The following NTSR1 variants were observed in gnomAD, a reference collection of about 807,000 sequenced individuals.
The protein encoded by NTSR1 is neurotensin receptor type 1.
NTSR1 carries 29 observed loss-of-function variants against 31.2 expected under a neutral mutation model. That is an observed-to-expected ratio of 0.93 (90% CI 0.69 to 1.27). The LOEUF (loss-of-function observed/expected upper bound fraction) is 1.27. Among genes scored for constraint, NTSR1 ranks in the 50% most tolerant of loss-of-function variants. The pLI is 0.00. For synonymous variants in NTSR1, 282 were observed against 269.9 expected, an observed-to-expected ratio of 1.04 and a Z score of -0.44; for missense variants, 697 against 595.4, an observed-to-expected ratio of 1.17 and a Z score of -1.78.
At position 62,741,501 on chromosome 20, in the gene NTSR1, C is replaced by G. The variant is rs980823105; in HGVS notation, c.715-13184C>G. The stretch of plus-strand genomic sequence containing the variant: ...CCTTGCCCCCAGCTGGCTTGGGGGT[C>G]CCTACACCGGCCCCCTGCCCCACAC... On this transcript the variant is annotated intron_variant, in intron 1 of 3. Coordinates refer to ENST00000370501, the MANE Select transcript of NTSR1 (RefSeq NM_002531.3). This position sits in a 1 kb window ranked among gnomAD's most constrained non-coding sequence, Gnocchi z 4.3. 1.3e-5 allele frequency among the ~76,000 whole-genome samples: 2 copies of G among 149,454 alleles called. No homozygotes were observed. The highest frequency in any genetic ancestry group is 2.9e-5 in the Non-Finnish European group (2 of 67,996).
chr20:62,711,173 C>G lies in NTSR1; in HGVS notation c.714+1252C>G, dbSNP rs564001737. Among the ~76,000 whole-genome samples the G allele has an allele frequency of 5.9e-5, 9 of 152,208 alleles. No homozygotes were observed. The South Asian group carries it at 1.7e-3, about 28-fold the overall frequency. On this transcript the variant is annotated intron_variant, in intron 1 of 3. Transcript: ENST00000370501. The surrounding 1 kb of genome is among the most constrained non-coding windows in gnomAD (Gnocchi z 6.4). ...GGTGGAGGAGGGTAGAACTGAGCTC[C>G]CAGTCTCCCTGGCTGCACATAGAAC...
rs544759109 is a variant in NTSR1, at chr20:62,736,636, GA to G, written c.715-18047del. Among the ~76,000 whole-genome samples, 402 of 152,330 alleles carry G rather than the reference GA, an allele frequency of 2.6e-3. 11 individuals carry two copies. The highest frequency in any genetic ancestry group is 3.9e-3 in the East Asian group (20 of 5,180). On this transcript the variant is annotated intron_variant, in intron 1 of 3. Transcript: ENST00000370501. ...GAGGCCCTGGCCTGTGGCTCCCAGGGAACAACCTGGACCCTCAGCATAGGAC... is the reference window on the plus strand; with the variant it reads ...GAGGCCCTGGCCTGTGGCTCCCAGGGACAACCTGGACCCTCAGCATAGGAC...
chr20:62,751,567 G>A (rs1012214730), intron 1 of NTSR1, among the ~76,000 whole-genome samples: 12 of 152,236 alleles, frequency 7.9e-5, no homozygotes, highest in African/African-American at 2.4e-4. Flanking sequence ...CGGCACTGAC[G>A]GCCACGGATG....
chr20:62,738,174 G>A (rs1230447776), intron 1 of NTSR1, among the ~76,000 whole-genome samples: 1 of 129,368 alleles, frequency 7.7e-6, no homozygotes, highest in Non-Finnish European at 1.6e-5. Context: ...GCACGCAGAG[G>A]GTGATGGAGG....
chr20:62,760,412 C>T lies in NTSR1; in HGVS notation c.*145C>T, dbSNP rs77327046. 1.9e-5 allele frequency: 15 copies of T among 791,258 alleles called. No homozygotes were observed. The highest frequency in any genetic ancestry group is 1.2e-4 in the Admixed American group (4 of 33,952). The allele number at this position is 791,258 out of a possible 1,614,324, so 49.0% of individuals were successfully genotyped here. On this transcript the variant is annotated 3_prime_UTR_variant, in exon 4 of 4. Coordinates refer to ENST00000370501, the MANE Select transcript of NTSR1 (RefSeq NM_002531.3). Reference sequence around the variant, plus strand: ...AGTCTGAGGCCTGGGACCCCCCCCTCCCACCCCCTAACCCATGTTTCTCAT... The same window carrying T: ...AGTCTGAGGCCTGGGACCCCCCCCTTCCACCCCCTAACCCATGTTTCTCAT...
In NTSR1 at chr20:62,715,923, C is replaced by T. The variant is rs143332516; in HGVS notation, c.714+6002C>T. 4.6e-5 allele frequency among the ~76,000 whole-genome samples: 7 copies of T among 152,256 alleles called. No individual in the cohort carries two copies. The highest frequency in any genetic ancestry group is 6.5e-5 in the Admixed American group (1 of 15,306). ...CTGGGCTGAGCAGGGCCCGAGAGGA[C>T]GTCCGACCTGTGCACGAACCAGAGG... On this transcript the variant is annotated intron_variant, in intron 1 of 3. Transcript: ENST00000370501. The surrounding 1 kb of genome is among the most constrained non-coding windows in gnomAD (Gnocchi z 4.7).
chr20:62,709,294 G>A lies in NTSR1; in HGVS notation c.87G>A (p.Ala29=). 1 of 1,593,810 alleles carries A rather than the reference G, an allele frequency of 6.3e-7. No homozygotes were observed. The highest frequency in any genetic ancestry group is 8.5e-7 in the Non-Finnish European group (1 of 1,173,638). The change falls in exon 1 of 4, where the codon GCG becomes GCA. Residue 29 remains alanine, a synonymous_variant. Coordinates refer to ENST00000370501, the MANE Select transcript of NTSR1 (RefSeq NM_002531.3). ...GGGCGCAGGCCGGACTGGAGGAGGC[G>A]CTGCTGGCCCCGGGCTTCGGCAACG... ...FQRAQAGLEE[A]LLAPGFGNAS...
At chr20:62,729,747 G>A (rs1282739640) in intron 1 of NTSR1, among the ~76,000 whole-genome samples, 1 of 149,986 alleles carries the variant, frequency 6.7e-6, no homozygotes, top group Non-Finnish European at 1.5e-5. Context: ...TCAGCCTTCT[G>A]AGTAGCTGGG....
chr20:62,728,348 G>A (rs1028678460), intron 1 of NTSR1, among the ~76,000 whole-genome samples: 5 of 152,174 alleles, frequency 3.3e-5, no homozygotes, highest in African/African-American at 9.7e-5. Context: ...CATCCCTGCG[G>A]TCAGTGTGTG....
rs1989285995 is a variant in NTSR1, at chr20:62,745,560, A to G, written c.715-9125A>G. Among the ~76,000 whole-genome samples, 2 of 152,194 alleles carry G rather than the reference A, an allele frequency of 1.3e-5. No individual in the cohort carries two copies. The highest frequency in any genetic ancestry group is 2.1e-4 in the South Asian group (1 of 4,826). ...GGAAAACACACAGATATACAGAGAG[A>G]GACACAACAGAGACAGACACAGGAA... On this transcript the variant is annotated intron_variant, in intron 1 of 3. Transcript: ENST00000370501. This position sits in a 1 kb window ranked among gnomAD's most constrained non-coding sequence, Gnocchi z 4.1.
intron 2 of NTSR1, among the ~76,000 whole-genome samples, chr20:62,755,256 TCTCC>T (rs1216198274): frequency 1.7e-4 from 15 of 86,994 alleles, no homozygotes; most frequent in African/African-American, 6.3e-4. Context: ...CTCCTCTACC[TCTCC>T]CTCCATCCAT....
Position 62,760,623 on chromosome 20 carries a change from A to C in NTSR1, c.*356A>C. The C allele has an allele frequency of 1.9e-5, 4 of 208,340 alleles. No homozygotes were observed. Among genetic ancestry groups the C allele is most frequent in the East Asian group, 1.1e-4 (1 of 9,134 alleles). 12.9% of individuals were successfully genotyped at this position (208,340 alleles called of 1,614,324 possible). A position where few individuals can be genotyped will look rare whatever the true frequency, so the allele number is the denominator to read the frequency against. ...TGGATGGTTCCAGAGAAGGAAATGA[A>C]AGGTGCTGGGTGGGGCCGGGCCTCC... On this transcript the variant is annotated 3_prime_UTR_variant, in exon 4 of 4. Coordinates refer to ENST00000370501, the MANE Select transcript of NTSR1 (RefSeq NM_002531.3).
At position 62,709,271 on chromosome 20, in the gene NTSR1, G is replaced by A; in HGVS notation, c.64G>A (p.Ala22Thr). Residue 22 changes from alanine (A) to threonine (T), a missense_variant, in exon 1 of 4, where the codon GCG becomes ACG. Transcript: ENST00000370501. ...GCCGGCCGCCGACCCCTTCCAGCGGGCGCAGGCCGGACTGGAGGAGGCGCT... is the reference window on the plus strand; with the variant it reads ...GCCGGCCGCCGACCCCTTCCAGCGGACGCAGGCCGGACTGGAGGAGGCGCT... ...GTPAADPFQR[A>T]QAGLEEALLA... The A allele has an allele frequency of 3.2e-6, 5 of 1,563,942 alleles. No homozygotes were observed. The highest frequency in any genetic ancestry group is 1.2e-5 in the South Asian group (1 of 86,546).
intron 1 of NTSR1, among the ~76,000 whole-genome samples, chr20:62,751,637 C>T (rs1175089600): frequency 6.6e-6 from 1 of 152,276 alleles, no homozygotes; most frequent in Non-Finnish European, 1.5e-5. Context: ...GGGGCTGGCC[C>T]TCATCAGACA....
chr20:62,754,993 G>A lies in NTSR1; in HGVS notation c.916+107G>A, dbSNP rs921549230. On this transcript the variant is annotated intron_variant, in intron 2 of 3. Transcript: ENST00000370501. The stretch of plus-strand genomic sequence containing the variant: ...GGGCAAGGTTTAAAGACATAGGGAT[G>A]GAGCTGTCAGGCCAAGACCCAAGGG... The A allele has an allele frequency of 1.1e-5, 13 of 1,147,274 alleles. No individual in the cohort carries two copies. The Admixed American group carries it at 2.8e-4, about 25-fold the overall frequency. The allele number at this position is 1,147,274 out of a possible 1,614,324, so 71.1% of individuals were successfully genotyped here.
chr20:62,762,500 G>GTAC lies in NTSR1; in HGVS notation c.*2235_*2236insCTA, dbSNP rs375932841. On this transcript the variant is annotated 3_prime_UTR_variant, in exon 4 of 4. Transcript: ENST00000370501. ...TGATGCTCCTATCTGTGCACTTACCGTAGGTAGGGACACGTGTCCACGCAC... is the reference window on the plus strand; with the variant it reads ...TGATGCTCCTATCTGTGCACTTACCGTACTAGGTAGGGACACGTGTCCACGCAC... The GTAC allele has an allele frequency of 7.9e-6, 1 of 126,148 alleles. No individual in the cohort carries two copies. Among genetic ancestry groups the GTAC allele is most frequent in the African/African-American group, 5.6e-5 (1 of 17,970 alleles). The allele number at this position is 126,148 out of a possible 1,614,324, so 7.8% of individuals were successfully genotyped here.
rs1305825185 is a variant in NTSR1 at position 62,744,774 on chromosome 20, C to T, written c.715-9911C>T. ...GAGCCTGAGGCCCAGGAGGACCTGCCGAGCTCACAGCTGGCCAGGGAACAA... is the reference window on the plus strand; with the variant it reads ...GAGCCTGAGGCCCAGGAGGACCTGCTGAGCTCACAGCTGGCCAGGGAACAA... On this transcript the variant is annotated intron_variant, in intron 1 of 3. Transcript: ENST00000370501. The surrounding 1 kb of genome is among the most constrained non-coding windows in gnomAD (Gnocchi z 4.1). Among the ~76,000 whole-genome samples, 1 of 152,050 alleles carries T rather than the reference C, an allele frequency of 6.6e-6. No individual in the cohort carries two copies. The highest frequency in any genetic ancestry group is 1.5e-5 in the Non-Finnish European group (1 of 67,988).
At chr20:62,728,703 C>T (rs750899907) in intron 1 of NTSR1, among the ~76,000 whole-genome samples, 7 of 152,082 alleles carry the variant, frequency 4.6e-5, no homozygotes, top group Non-Finnish European at 7.4e-5. Flanking sequence ...AACTGAGTCG[C>T]GAAGGGCAGG....
chr20:62,714,860 C>A lies in NTSR1; in HGVS notation c.714+4939C>A, dbSNP rs1444777179. Among the ~76,000 whole-genome samples, 37 of 152,180 alleles carry A rather than the reference C, an allele frequency of 2.4e-4. No individual in the cohort carries two copies. The East Asian group carries it at 7.1e-3, about 29-fold the overall frequency. On this transcript the variant is annotated intron_variant, in intron 1 of 3. Coordinates refer to ENST00000370501, the MANE Select transcript of NTSR1 (RefSeq NM_002531.3). This position sits in a 1 kb window ranked among gnomAD's most constrained non-coding sequence, Gnocchi z 4.1. Reference sequence around the variant, plus strand: ...GATCATTCTTCCTGCCAAGAAACAGCAAAAAAGCCTAGGTAGTGAATAGCT... The same window carrying A: ...GATCATTCTTCCTGCCAAGAAACAGAAAAAAAGCCTAGGTAGTGAATAGCT...
Sources: allele counts gnomAD v4.1 joint callset (sites outside exome capture counted in the v4.1 genomes callset), GRCh38; gene constraint gnomAD v4.1.1; non-coding constraint Gnocchi (gnomAD v3.1); transcripts MANE v1.5; gene names NCBI Gene and HGNC (gene_info 2026-07-23, HGNC 2026-07-21).